USP35: variants seen among roughly 807,000 people sequenced by gnomAD.
The protein encoded by USP35 is ubiquitin specific peptidase 35.
USP35 carries 69 observed loss-of-function variants against 83.8 expected under a neutral mutation model. The ratio of observed to expected loss-of-function variants is 0.82; its 90% CI spans 0.68 to 1.01. USP35 has a LOEUF of 1.01. Among genes scored for constraint, USP35 ranks in the 50% least tolerant of loss-of-function variants. The pLI, the probability that USP35 is intolerant of heterozygous loss-of-function variation, is 0.00. For missense variants in USP35, 1,503 were observed against 1,362.5 expected (o/e 1.10, Z -1.62); for synonymous variants, 714 against 589.5 (o/e 1.21, Z -3.06).
the USP35 span, chr11:78,223,491 A>C: frequency 6.2e-7 from 1 of 1,609,058 alleles, no homozygotes. Flanking sequence ...GGTGCACAGG[A>C]AGGGTTGTTG....
the USP35 span, chr11:78,220,409 G>A: frequency 6.3e-7 from 1 of 1,595,992 alleles, no homozygotes; most frequent in Non-Finnish European, 8.6e-7. Context: ...GACTGTTCGT[G>A]CCACTGGGAA....
chr11:78,207,975 G>A (rs1417187215), intron 8 of USP35, among the ~76,000 whole-genome samples: 1 of 152,234 alleles, frequency 6.6e-6, no homozygotes, highest in Non-Finnish European at 1.5e-5. Context: ...GAAGCTGGGA[G>A]GCCCAAGATC....
the USP35 span, among the ~76,000 whole-genome samples, chr11:78,236,325 G>A: frequency 2.1e-3 from 323 of 152,008 alleles, 1 homozygote; most frequent in African/African-American, 7.2e-3. Flanking sequence ...AAATTTTTTT[G>A]TTGTTAAAAT....
downstream of USP35, chr11:78,217,592 G>C (rs998832071): frequency 1.3e-5 from 2 of 152,202 alleles, no homozygotes; most frequent in Non-Finnish European, 2.9e-5. Context: ...GAAACGTCTG[G>C]TCTGTCCTGT....
the USP35 span, chr11:78,221,954 G>T: frequency 1.4e-6 from 1 of 692,118 alleles, no homozygotes. Context: ...TACAGCTGAG[G>T]AAACCAAGCC....
rs887941070 is a variant in USP35, at chr11:78,215,208, C to T, written c.*1395C>T. 3.3e-5 allele frequency: 5 copies of T among 152,398 alleles called. No individual in the cohort carries two copies. The highest frequency in any genetic ancestry group is 1.2e-4 in the African/African-American group (5 of 41,302). The allele number at this position is 152,398 out of a possible 1,614,324, so 9.4% of individuals were successfully genotyped here. A position where few individuals can be genotyped will look rare whatever the true frequency, so the allele number is the denominator to read the frequency against. The stretch of plus-strand genomic sequence containing the variant: ...GCCAAGAAAAATACCCAATTATTTC[C>T]AAATAAAGCAAAAATTGGAACAGAC... On this transcript the variant is annotated 3_prime_UTR_variant, in exon 11 of 11. Transcript: ENST00000529308.
At chr11:78,233,974 C>T in the USP35 span, among the ~76,000 whole-genome samples, 1 of 152,214 alleles carries the variant, frequency 6.6e-6, no homozygotes, top group Non-Finnish European at 1.5e-5. Context: ...GACTACTTCA[C>T]CAAAAACTAC....
chr11:78,214,546 G>GGAAGCCT lies in USP35; in HGVS notation c.*735_*741dup, dbSNP rs1864008790. The GGAAGCCT allele has an allele frequency of 6.6e-6, 1 of 150,700 alleles. No individual in the cohort carries two copies. The highest frequency in any genetic ancestry group is 2.5e-5 in the African/African-American group (1 of 40,452). The allele number at this position is 150,700 out of a possible 1,614,324, so 9.3% of individuals were successfully genotyped here. A position where few individuals can be genotyped will look rare whatever the true frequency, so the allele number is the denominator to read the frequency against. On this transcript the variant is annotated 3_prime_UTR_variant, in exon 11 of 11. Coordinates refer to ENST00000529308, the MANE Select transcript of USP35 (RefSeq NM_020798.4). The stretch of plus-strand genomic sequence containing the variant: ...GTTCCTTGTGAAGTGTGGGCTCTTA[G>GGAAGCCT]GAAGCCTGTGGGCTCCTCTGAGCAG...
chr11:78,201,729 C>T (rs1316294264), intron 6 of USP35, among the ~76,000 whole-genome samples: 1 of 152,098 alleles, frequency 6.6e-6, no homozygotes, highest in Non-Finnish European at 1.5e-5. Flanking sequence ...AAAGATGATA[C>T]GGTTCATTTC....
intron 9 of USP35, 93 bp downstream of exon 9, chr11:78,209,056 A>G: frequency 7.7e-7 from 1 of 1,290,584 alleles, no homozygotes; most frequent in East Asian, 2.4e-5. Context: ...CGTCCAGGGA[A>G]TAAGTGTGCT....
the USP35 span, among the ~76,000 whole-genome samples, chr11:78,231,310 C>A: frequency 1.3e-5 from 2 of 149,500 alleles, no homozygotes; most frequent in East Asian, 3.9e-4. Context: ...TACAGTCTCT[C>A]CCTTGGTGCG....
Position 78,196,700 on chromosome 11 carries a change from C to T in USP35, c.455C>T (p.Pro152Leu). The T allele has an allele frequency of 6.6e-7, 1 of 1,522,238 alleles. No individual in the cohort carries two copies. Among genetic ancestry groups the T allele is most frequent in the Non-Finnish European group, 8.8e-7 (1 of 1,141,158 alleles). The allele number at this position is 1,522,238 out of a possible 1,614,324, so 94.3% of individuals were successfully genotyped here. A position where few individuals can be genotyped will look rare whatever the true frequency, so the allele number is the denominator to read the frequency against. The change falls in exon 2 of 11, where the codon CCG becomes CTG. Residue 152 changes from proline to leucine, a missense_variant. Physicochemically the swap from Pro to Leu is moderately conservative, Grantham distance 98 (BLOSUM62 -3). Coordinates refer to ENST00000529308, the MANE Select transcript of USP35 (RefSeq NM_020798.4). The surrounding 1 kb of genome is among the most constrained non-coding windows in gnomAD (Gnocchi z 4.8). ...GTGGCACGGCTGCTGGCTCGCCACCCGCGCTGTGTGCCCGACGGACCCCAC... is the reference window on the plus strand; with the variant it reads ...GTGGCACGGCTGCTGGCTCGCCACCTGCGCTGTGTGCCCGACGGACCCCAC... ...AQVARLLARH[P>L]RCVPDGPHRL...
Position 78,200,798 on chromosome 11 carries a change from A to C in USP35, c.1187A>C (p.Glu396Ala). The change falls in exon 6 of 11, where the codon GAG becomes GCG. Residue 396 changes from glutamate (E) to alanine (A), a missense_variant. Glu to Ala is a moderately radical substitution (Grantham distance 107). Coordinates refer to ENST00000529308, the MANE Select transcript of USP35 (RefSeq NM_020798.4). ...GFPDLYEPVM[E>A]AIKDLHVPNE... ...CCGGATCTGTATGAGCCTGTCATGG[A>C]GGCCATCAAGGTGAGCGACAGTCCC... is the stretch of plus-strand genomic sequence containing the variant. 1 of 1,606,120 alleles carries C rather than the reference A, an allele frequency of 6.2e-7. No individual in the cohort carries two copies. Among genetic ancestry groups the C allele is most frequent in the Non-Finnish European group, 8.5e-7 (1 of 1,174,480 alleles).
chr11:78,200,082 T>C, intron 4 of USP35, 51 bp from the exon 5 acceptor site: 1 of 1,589,900 alleles, frequency 6.3e-7, no homozygotes, highest in East Asian at 2.2e-5. Flanking sequence ...TGATTCTACT[T>C]GGCCTCAGCA....
rs1863738683 is a variant in USP35, at chr11:78,210,746, T to A, written c.2889+2T>A. 6.5e-7 allele frequency: 1 copy of A among 1,535,550 alleles called. No individual in the cohort carries two copies. Among genetic ancestry groups the A allele is most frequent in the Non-Finnish European group, 8.8e-7 (1 of 1,141,170 alleles). On this transcript the variant is annotated splice_donor_variant, in intron 10 of 10. Transcript: ENST00000529308. LOFTEE classifies it high-confidence loss of function. Reference sequence around the variant, plus strand: ...AAAGACAACATCCTTTACCTACAGGTGAGCTGAGCCGTGGGGCCTTTGATC... The same window carrying A: ...AAAGACAACATCCTTTACCTACAGGAGAGCTGAGCCGTGGGGCCTTTGATC...
At position 78,209,627 on chromosome 11, in the gene USP35, A is replaced by G; in HGVS notation, c.1772A>G (p.Glu591Gly). The G allele has an allele frequency of 6.2e-7, 1 of 1,613,986 alleles. No homozygotes were observed. The highest frequency in any genetic ancestry group is 2.2e-5 in the East Asian group (1 of 44,838). The change falls in exon 10 of 11, where the codon GAG becomes GGG. Residue 591 changes from glutamate (E) to glycine (G), a missense_variant. Transcript: ENST00000529308. ...LCCLNVSSREEAFTDLSLAFP... is the reference protein window; with the variant it reads ...LCCLNVSSREGAFTDLSLAFP... ...TGCCTCAACGTCTCCTCCCGGGAGGAGGCCTTCACGGACCTCTCTCTCGCC... is the reference window on the plus strand; with the variant it reads ...TGCCTCAACGTCTCCTCCCGGGAGGGGGCCTTCACGGACCTCTCTCTCGCC...
chr11:78,220,315 G>A, the USP35 span: 1 of 1,612,150 alleles, frequency 6.2e-7, no homozygotes, highest in Non-Finnish European at 8.5e-7. Flanking sequence ...TCTACTCCAG[G>A]CACCTTGCGG....
Position 78,196,343 on chromosome 11 carries a change from T to C in USP35, c.98T>C (p.Leu33Pro). Residue 33 changes from leucine to proline, a missense_variant, in exon 2 of 11, where the codon CTG (leucine) becomes CCG (proline). Physicochemically the swap from Leu to Pro is moderately conservative, Grantham distance 98 (BLOSUM62 -3). Coordinates refer to ENST00000529308, the MANE Select transcript of USP35 (RefSeq NM_020798.4). This position sits in a 1 kb window ranked among gnomAD's most constrained non-coding sequence, Gnocchi z 4.8. ...GTGCTGGAGGCGGCGCGGCAGCCGCTGGAGCGTGAGCAGTGCCTGGCGCTG... is the reference window on the plus strand; with the variant it reads ...GTGCTGGAGGCGGCGCGGCAGCCGCCGGAGCGTGAGCAGTGCCTGGCGCTG... ...RRVLEAARQP[L>P]EREQCLALLA... 1 of 1,584,228 alleles carries C rather than the reference T, an allele frequency of 6.3e-7. No individual in the cohort carries two copies.
intron 3 of USP35, chr11:78,198,716 G>A (rs974583610): frequency 1.7e-5 from 17 of 984,970 alleles, no homozygotes; most frequent in Non-Finnish European, 1.8e-5. Flanking sequence ...GTGGGCTCTC[G>A]AGGTAAGTTG....
Sources: allele counts gnomAD v4.1 joint callset (sites outside exome capture counted in the v4.1 genomes callset), GRCh38; gene constraint gnomAD v4.1.1; non-coding constraint Gnocchi (gnomAD v3.1); transcripts MANE v1.5; gene names NCBI Gene and HGNC (gene_info 2026-07-23, HGNC 2026-07-21).